The following C4orf51 variants were observed in gnomAD, a reference collection of about 807,000 sequenced individuals.
C4orf51 encodes the protein chromosome 4 open reading frame 51.
A neutral mutation model predicts 25.2 loss-of-function variants in C4orf51; 25 were observed. The observed-to-expected ratio is 0.99, with a 90% CI of 0.72 to 1.39. The LOEUF (loss-of-function observed/expected upper bound fraction) is 1.39. C4orf51 is among the 40% of genes most tolerant of loss of function. C4orf51 has a pLI of 0.00. For synonymous variants in C4orf51, 100 were observed against 84.5 expected (o/e 1.18, Z -1.01); for missense variants, 252 against 239.6 (o/e 1.05, Z -0.34).
rs1468886180 is a variant in C4orf51, at chr4:145,745,707, A to G, written n.168-8500A>G. On this transcript the variant is annotated intron_variant and non_coding_transcript_variant, in intron 1 of 1. Transcript: ENST00000508981. ...ATGGAAGTGCTGATACCTCTTCAAT[A>G]TACTGATTTCTTTTCCTTTGGGTAT... Among the ~76,000 whole-genome samples the G allele has an allele frequency of 2.6e-5, 4 of 152,170 alleles. No individual in the cohort carries two copies. In the East Asian group the frequency reaches 5.8e-4, roughly 22 times the overall value.
chr4:145,680,420 G>T lies in C4orf51; in HGVS notation c.217G>T (p.Glu73Ter), dbSNP rs117902141. 6.2e-7 allele frequency: 1 copy of T among 1,613,398 alleles called. No homozygotes were observed. The highest frequency in any genetic ancestry group is 2.2e-5 in the East Asian group (1 of 44,886). The change falls in exon 1 of 6, where the codon GAG becomes TAG. Residue 73 changes from glutamate (E) to a stop codon, truncating the protein, a stop_gained. Coordinates refer to ENST00000438731, the MANE Select transcript of C4orf51 (RefSeq NM_001080531.3). LOFTEE classifies it high-confidence loss of function. ...ATTTTCTTTTAGAGCAGGACAGCAT[G>T]AGCCTGAGTGTAAACAGTAAGATTT... ...SQFSFRAGQHEPECKQMSLTN... is the reference protein window; with the variant it reads ...SQFSFRAGQH
At chr4:145,755,008 A>C (rs1733862505), downstream of C4orf51, among the ~76,000 whole-genome samples, 1 of 152,208 alleles carries the variant, frequency 6.6e-6, no homozygotes, top group Non-Finnish European at 1.5e-5. Context: ...CTTTTTAGTC[A>C]TTCTTTTCCC....
chr4:145,681,152 A>G (rs1238966474), intron 1 of C4orf51, among the ~76,000 whole-genome samples: 1 of 152,200 alleles, frequency 6.6e-6, no homozygotes, highest in African/African-American at 2.4e-5. Flanking sequence ...AGTACATTTG[A>G]GAAAGTATAA....
chr4:145,755,704 G>A (rs1733900460), downstream of C4orf51, among the ~76,000 whole-genome samples: 1 of 152,166 alleles, frequency 6.6e-6, no homozygotes, highest in African/African-American at 2.4e-5. Flanking sequence ...TTACCCTGGG[G>A]CCTGTTTTAC....
intron 1 of C4orf51, among the ~76,000 whole-genome samples, chr4:145,746,595 A>C (rs1733383805): frequency 6.6e-6 from 1 of 152,132 alleles, no homozygotes; most frequent in African/African-American, 2.4e-5. Context: ...TGCCAGTACC[A>C]TGCTGTTTTG....
chr4:145,683,449 G>A (rs113477485), intron 1 of C4orf51, among the ~76,000 whole-genome samples: 1,625 of 152,188 alleles, frequency 0.011, 34 homozygotes, highest in African/African-American at 0.037. Context: ...TAACCAACAC[G>A]ATATTGAAGA....
chr4:145,763,592 G>C lies in C4orf51; in HGVS notation n.167-7396G>C, dbSNP rs1734841432. 6.6e-6 allele frequency among the ~76,000 whole-genome samples: 1 copy of C among 152,206 alleles called. No individual in the cohort carries two copies. The highest frequency in any genetic ancestry group is 2.1e-4 in the South Asian group (1 of 4,824). On this transcript the variant is annotated intron_variant and non_coding_transcript_variant, in intron 1 of 1. Coordinates refer to the C4orf51 transcript ENST00000510096. The surrounding 1 kb of genome is among the most constrained non-coding windows in gnomAD (Gnocchi z 4.6). Reference sequence around the variant, plus strand: ...GGGACTTTGGAGGTCCCTGAGGAAAGGCGAACTGGCAAAGCCACAACTGGC... The same window carrying C: ...GGGACTTTGGAGGTCCCTGAGGAAACGCGAACTGGCAAAGCCACAACTGGC...
At chr4:145,760,760 G>A in intron 1 of C4orf51, 1 of 917,758 alleles carries the variant, frequency 1.1e-6, no homozygotes, top group Non-Finnish European at 1.3e-6. Flanking sequence ...TCTGTTTTTG[G>A]TACAGAACAT....
the C4orf51 span, among the ~76,000 whole-genome samples, chr4:145,791,510 T>C: frequency 3.3e-5 from 5 of 152,210 alleles, no homozygotes; most frequent in Admixed American, 1.3e-4. Flanking sequence ...TATGTCATAA[T>C]GATTGGCAGC....
downstream of C4orf51, chr4:145,758,619 T>G (rs574646775): frequency 6.6e-6 from 1 of 152,422 alleles, no homozygotes; most frequent in East Asian, 1.9e-4. Flanking sequence ...AACCCACCCA[T>G]AAGCCCAGTA....
In C4orf51 at chr4:145,763,261, A is replaced by G; in HGVS notation, n.167-7727A>G. On this transcript the variant is annotated intron_variant and non_coding_transcript_variant, in intron 1 of 1. Transcript: ENST00000510096. This position sits in a 1 kb window ranked among gnomAD's most constrained non-coding sequence, Gnocchi z 4.6. ...CATTTTAAGGACATTTCTGTGACCC[A>G]CAGCTCAATCTTTCTTTCACTGCTC... is the stretch of plus-strand genomic sequence containing the variant. 1.1e-6 allele frequency: 1 copy of G among 873,270 alleles called. No homozygotes were observed. The highest frequency in any genetic ancestry group is 2.7e-5 in the East Asian group (1 of 37,194). The allele number at this position is 873,270 out of a possible 1,614,324, so 54.1% of individuals were successfully genotyped here. A position where few individuals can be genotyped will look rare whatever the true frequency, so the allele number is the denominator to read the frequency against.
At chr4:145,743,854 C>A (rs2126798320) in intron 1 of C4orf51, among the ~76,000 whole-genome samples, 1 of 152,262 alleles carries the variant, frequency 6.6e-6, no homozygotes, top group Non-Finnish European at 1.5e-5. Context: ...TCTGGAATGC[C>A]CTCCCCAATT....
intron 3 of C4orf51, among the ~76,000 whole-genome samples, chr4:145,727,710 T>C (rs1732142584): frequency 6.8e-6 from 1 of 146,906 alleles, no homozygotes. Context: ...ACCCCATCTC[T>C]ACTAAAAAAA....
At chr4:145,742,722 A>G (rs1397848755) in intron 1 of C4orf51, among the ~76,000 whole-genome samples, 1 of 151,672 alleles carries the variant, frequency 6.6e-6, no homozygotes, top group Non-Finnish European at 1.5e-5. Context: ...TTGTATTTTT[A>G]GTAGAGACGG....
intron 1 of C4orf51, among the ~76,000 whole-genome samples, chr4:145,683,944 G>C (rs980450387): frequency 6.6e-6 from 1 of 152,174 alleles, no homozygotes; most frequent in Non-Finnish European, 1.5e-5. Flanking sequence ...GTAAGACAAC[G>C]TCAAGAGAAT....
intron 2 of C4orf51, among the ~76,000 whole-genome samples, chr4:145,706,136 G>A (rs1730796504): frequency 6.6e-6 from 1 of 152,126 alleles, no homozygotes; most frequent in South Asian, 2.1e-4. Flanking sequence ...CATAGTTTTT[G>A]AAACAGATTT....
chr4:145,735,994 T>C (rs1003385788), downstream of C4orf51, among the ~76,000 whole-genome samples: 1 of 152,152 alleles, frequency 6.6e-6, no homozygotes, highest in African/African-American at 2.4e-5. Context: ...AGCATGTTTA[T>C]GGAGTGATTA....
At chr4:145,705,056 G>T (rs1304770832) in intron 2 of C4orf51, among the ~76,000 whole-genome samples, 1 of 152,216 alleles carries the variant, frequency 6.6e-6, no homozygotes, top group Non-Finnish European at 1.5e-5. Flanking sequence ...GTCTGCACTT[G>T]CAGTGGCCTG....
chr4:145,766,892 T>C (rs1034336571), intron 1 of C4orf51, among the ~76,000 whole-genome samples: 15 of 152,284 alleles, frequency 9.9e-5, no homozygotes, highest in South Asian at 4.1e-4. Context: ...CCTAGTGATC[T>C]AGACCCGCCA....
Sources: allele counts gnomAD v4.1 joint callset (sites outside exome capture counted in the v4.1 genomes callset), GRCh38; gene constraint gnomAD v4.1.1; non-coding constraint Gnocchi (gnomAD v3.1); transcripts MANE v1.5; gene names NCBI Gene and HGNC (gene_info 2026-07-23, HGNC 2026-07-21).